Variants in LRP1B observed in about 807,000 individuals in gnomAD.
LRP1B encodes the protein low-density lipoprotein receptor-related protein 1B.
A neutral mutation model predicts 556.6 loss-of-function variants in LRP1B; 217 were observed. The ratio of observed to expected loss-of-function variants is 0.39; its 90% CI spans 0.35 to 0.44. LRP1B has a LOEUF of 0.44. Ranked by LOEUF, LRP1B falls within the 20% of genes least tolerant of loss-of-function variation. The pLI, the probability that LRP1B is intolerant of heterozygous loss-of-function variation, is 1.00. For synonymous variants in LRP1B, 2,047 were observed against 1,865.8 expected, an observed-to-expected ratio of 1.10 and a Z score of -2.50; for missense variants, 5,053 against 5,620.8, an observed-to-expected ratio of 0.90 and a Z score of 3.23.
chr2:141,796,970 A>G (rs1695834415), intron 2 of LRP1B, among the ~76,000 whole-genome samples: 2 of 151,434 alleles, frequency 1.3e-5, no homozygotes, highest in Non-Finnish European at 3.0e-5. Flanking sequence ...AAAAAATTCT[A>G]AAAGGTAGAC....
Position 140,925,374 on chromosome 2 carries a change from C to T in LRP1B, c.3137-2227G>A, listed in dbSNP as rs537509315. On this transcript the variant is annotated intron_variant, in intron 20 of 90. Coordinates refer to ENST00000389484, the MANE Select transcript of LRP1B (RefSeq NM_018557.3). ...GAAGAAAAGAGACAACTCAGATAGA[C>T]CTCCAAGGCCCAATCAGCTCTGTGC... Among the ~76,000 whole-genome samples the T allele has an allele frequency of 9.9e-5, 15 of 152,236 alleles. No individual in the cohort carries two copies. The South Asian group carries it at 3.1e-3, about 32-fold the overall frequency.
At chr2:140,659,098 G>GTTTTTTTTT (rs59651364) in intron 41 of LRP1B, among the ~76,000 whole-genome samples, 2 of 61,098 alleles carry the variant, frequency 3.3e-5, no homozygotes, top group African/African-American at 6.3e-5. Context: ...CTGTAAATCT[G>GTTTTTTTTT]TTTTTTTTTT....
At chr2:140,786,537 C>G (rs6757066) in intron 32 of LRP1B, among the ~76,000 whole-genome samples, 1 of 151,998 alleles carries the variant, frequency 6.6e-6, no homozygotes, top group South Asian at 2.1e-4. Flanking sequence ...TTGTCTGAAG[C>G]TCTCTGGAAA....
intron 87 of LRP1B, among the ~76,000 whole-genome samples, chr2:140,245,459 G>A (rs1681110833): frequency 6.6e-6 from 1 of 151,202 alleles, no homozygotes; most frequent in Non-Finnish European, 1.5e-5. Context: ...TTTTTAAATT[G>A]TTTTTGATGC....
Position 140,667,131 on chromosome 2 carries a change from T to A in LRP1B, c.6799+33119A>T, listed in dbSNP as rs112884319. Among the ~76,000 whole-genome samples, 7 of 152,286 alleles carry A rather than the reference T, an allele frequency of 4.6e-5. 1 individual carries two copies. The highest frequency in any genetic ancestry group is 1.7e-4 in the African/African-American group (7 of 41,564). ...GTGACCCTACGTAACATCTGCTTGC[T>A]GCTTGATGAGAGAAAGAACAATGTT... is the stretch of plus-strand genomic sequence containing the variant. On this transcript the variant is annotated intron_variant, in intron 41 of 90. Coordinates refer to ENST00000389484, the MANE Select transcript of LRP1B (RefSeq NM_018557.3).
At chr2:142,129,484 G>C (rs1053184230) in intron 1 of LRP1B, among the ~76,000 whole-genome samples, 1 of 152,002 alleles carries the variant, frequency 6.6e-6, no homozygotes, top group Non-Finnish European at 1.5e-5. Context: ...AATATTTTTT[G>C]TCAATTCATA....
intron 66 of LRP1B, among the ~76,000 whole-genome samples, chr2:140,429,890 A>C (rs1685842787): frequency 6.7e-6 from 1 of 149,688 alleles, no homozygotes; most frequent in Admixed American, 6.6e-5. Context: ...TTTCTTCCTC[A>C]CACCTGACAC....
chr2:140,640,919 C>A (rs1019614208), intron 41 of LRP1B, among the ~76,000 whole-genome samples: 1 of 152,052 alleles, frequency 6.6e-6, no homozygotes, highest in African/African-American at 2.4e-5. Flanking sequence ...TTATCTTCTG[C>A]TTCTGTGACC....
At chr2:140,303,643 A>G (rs1438336403) in intron 83 of LRP1B, among the ~76,000 whole-genome samples, 1 of 152,078 alleles carries the variant, frequency 6.6e-6, no homozygotes, top group East Asian at 1.9e-4. Flanking sequence ...TTCTATAAAA[A>G]ATATTATTTT....
chr2:141,414,742 A>C (rs1691021245), intron 3 of LRP1B, among the ~76,000 whole-genome samples: 1 of 152,180 alleles, frequency 6.6e-6, no homozygotes, highest in South Asian at 2.1e-4. Flanking sequence ...CTTAATATGC[A>C]ATTTTTCTCA....
chr2:141,777,219 G>A (rs934459922), intron 2 of LRP1B, among the ~76,000 whole-genome samples: 1 of 152,146 alleles, frequency 6.6e-6, no homozygotes, highest in Non-Finnish European at 1.5e-5. Context: ...CTAGTAGGAT[G>A]AGGGGCACCT....
At chr2:141,512,248 C>T (rs536201262) in intron 2 of LRP1B, among the ~76,000 whole-genome samples, 3 of 152,158 alleles carry the variant, frequency 2.0e-5, no homozygotes, top group South Asian at 2.1e-4. Flanking sequence ...TACAACAGTT[C>T]GGGGGAGGTG....
intron 43 of LRP1B, 43 bp downstream of exon 43, chr2:140,598,588 T>C (rs1682531884): frequency 2.8e-6 from 4 of 1,426,798 alleles, no homozygotes; most frequent in East Asian, 2.3e-5. Context: ...TTTAAATATA[T>C]CATTGTATAA....
At chr2:141,004,007 T>A (rs145155798) in intron 15 of LRP1B, among the ~76,000 whole-genome samples, 233 of 152,208 alleles carry the variant, frequency 1.5e-3, no homozygotes, top group African/African-American at 5.4e-3. Context: ...TTCTCATATG[T>A]CTTAAATCTT....
At chr2:141,517,198 T>A (rs1684351754) in intron 2 of LRP1B, among the ~76,000 whole-genome samples, 1 of 141,290 alleles carries the variant, frequency 7.1e-6, no homozygotes, top group Non-Finnish European at 1.5e-5. Flanking sequence ...AAACGTGCAT[T>A]TAATAGATGT....
chr2:141,960,735 G>A (rs907371088), intron 1 of LRP1B, among the ~76,000 whole-genome samples: 2 of 151,716 alleles, frequency 1.3e-5, no homozygotes, highest in Admixed American at 6.6e-5. Flanking sequence ...CTACGGACCT[G>A]GGAAATTGCA....
intron 2 of LRP1B, among the ~76,000 whole-genome samples, chr2:141,663,218 C>T (rs1690292921): frequency 6.6e-6 from 1 of 151,896 alleles, no homozygotes; most frequent in African/African-American, 2.4e-5. Context: ...GGCATTAATG[C>T]CCCCATCAAA....
chr2:141,097,749 T>G (rs989165647), intron 7 of LRP1B, among the ~76,000 whole-genome samples: 2 of 152,198 alleles, frequency 1.3e-5, no homozygotes, highest in Non-Finnish European at 2.9e-5. Flanking sequence ...GTTTTCATGT[T>G]TCTTCATTAC....
chr2:141,473,527 C>CT (rs1359019759), intron 3 of LRP1B, among the ~76,000 whole-genome samples: 1 of 152,120 alleles, frequency 6.6e-6, no homozygotes, highest in African/African-American at 2.4e-5. Flanking sequence ...AAACTAATCT[C>CT]TTTGAGTGGA....
Sources: gnomAD v4.1 joint callset for allele counts (sites outside exome capture counted in the v4.1 genomes callset) on GRCh38, gnomAD v4.1.1 for gene constraint, MANE v1.5 for transcripts, NCBI Gene and HGNC (gene_info 2026-07-23, HGNC 2026-07-21) for gene names.